The following ASH1L variants were observed in gnomAD, a reference collection of about 807,000 sequenced individuals.
ASH1L encodes ASH1 like histone lysine methyltransferase.
Under a neutral mutation model 269.0 loss-of-function variants are expected in ASH1L, and 23 were observed. The ratio of observed to expected loss-of-function variants is 0.09; its 90% CI spans 0.06 to 0.12. The LOEUF (loss-of-function observed/expected upper bound fraction) is 0.12. Ranked by LOEUF, ASH1L falls within the 10% of genes least tolerant of loss-of-function variation. The pLI is 1.00. For missense variants in ASH1L, 2,912 were observed against 3,567.8 expected, an observed-to-expected ratio of 0.82 and a Z score of 4.68; for synonymous variants, 1,187 against 1,253.5, an observed-to-expected ratio of 0.95 and a Z score of 1.12.
chr1:155,473,220 A>C lies in ASH1L; in HGVS notation c.4984+4666T>G, dbSNP rs184678604. 1.9e-3 allele frequency among the ~76,000 whole-genome samples: 293 copies of C among 152,334 alleles called. 1 individual carries two copies. The highest frequency in any genetic ancestry group is 6.5e-3 in the African/African-American group (270 of 41,590). ...CATAAGCAATGTAGTTCTGTTCAAA[A>C]TGTACATTCATCCACATTCTTCCTC... On this transcript the variant is annotated intron_variant, in intron 3 of 27. Transcript: ENST00000392403.
Position 155,337,632 on chromosome 1 carries a change from G to A in ASH1L, c.*28C>T, listed in dbSNP as rs1159031960. 6.3e-7 allele frequency: 1 copy of A among 1,593,512 alleles called. No individual in the cohort carries two copies. Among genetic ancestry groups the A allele is most frequent in the Non-Finnish European group, 8.6e-7 (1 of 1,161,726 alleles). ...GACTGATTAGCTCCACTGGATCCCA[G>A]ATGCTTGAGGTTCTCATTCTTTGAG... On this transcript the variant is annotated 3_prime_UTR_variant, in exon 28 of 28. Coordinates refer to ENST00000392403, the MANE Select transcript of ASH1L (RefSeq NM_018489.3).
Position 155,415,789 on chromosome 1 carries a change from T to G in ASH1L, c.5963A>C (p.Lys1988Thr). ...AGAATACAGCCCTGCTTTCTGATACTTCTTCTTTGGGGGACGTGGGGGCTT... is the reference window on the plus strand; with the variant it reads ...AGAATACAGCCCTGCTTTCTGATACGTCTTCTTTGGGGGACGTGGGGGCTT... ...EKKPPRPPKK[K>T]YQKAGLYSDV... Residue 1988 changes from lysine (K) to threonine (T), a missense_variant, in exon 6 of 28, where the codon AAG becomes ACG. Around this residue, in one of 13 missense-constraint regions of ASH1L, gnomAD observed 193 missense variants for 311.6 expected, o/e 0.62. Coordinates refer to ENST00000392403, the MANE Select transcript of ASH1L (RefSeq NM_018489.3). 3 of 1,614,082 alleles carry G rather than the reference T, an allele frequency of 1.9e-6. No individual in the cohort carries two copies. The highest frequency in any genetic ancestry group is 2.5e-6 in the Non-Finnish European group (3 of 1,180,012).
rs750598806 is a variant in ASH1L at position 155,433,860 on chromosome 1, T to C, written c.5828+4467A>G. The C allele has an allele frequency of 3.1e-6, 5 of 1,605,516 alleles. No individual in the cohort carries two copies. In the South Asian group the frequency reaches 4.5e-5, roughly 14 times the overall value. On this transcript the variant is annotated intron_variant, in intron 5 of 27. Transcript: ENST00000392403. ...GAGACATGCAAAGCAGAAACCCTCT[T>C]GCAGGCTCGAAAGAGAAAGCGAACC... is the stretch of plus-strand genomic sequence containing the variant.
intron 4 of ASH1L, among the ~76,000 whole-genome samples, chr1:155,459,193 C>T (rs529519119): frequency 3.6e-4 from 55 of 151,786 alleles, no homozygotes; most frequent in Non-Finnish European, 6.0e-4. Context: ...TACTAGTTTA[C>T]TAAACAATTT....
chr1:155,396,585 A>G (rs1045608347), intron 6 of ASH1L, among the ~76,000 whole-genome samples: 1 of 151,958 alleles, frequency 6.6e-6, no homozygotes, highest in African/African-American at 2.4e-5. Flanking sequence ...TGCTGGGATT[A>G]CAGGCGTGAG....
At chr1:155,426,128 G>T (rs1203648925) in intron 5 of ASH1L, among the ~76,000 whole-genome samples, 1 of 151,876 alleles carries the variant, frequency 6.6e-6, no homozygotes, top group South Asian at 2.1e-4. Context: ...GCAATGGCAC[G>T]ATCTTGGCTC....
chr1:155,498,375 C>G (rs1190975922), intron 2 of ASH1L, among the ~76,000 whole-genome samples: 1 of 152,022 alleles, frequency 6.6e-6, no homozygotes, highest in East Asian at 1.9e-4. Flanking sequence ...GAAGACGGGA[C>G]TACAGGCACA....
chr1:155,465,032 T>C (rs1015522447), intron 3 of ASH1L, among the ~76,000 whole-genome samples: 23 of 152,222 alleles, frequency 1.5e-4, no homozygotes, highest in African/African-American at 4.3e-4. Context: ...AAAATCTTGA[T>C]TGACATTTCC....
chr1:155,510,934 A>G (rs924175154), intron 2 of ASH1L, among the ~76,000 whole-genome samples: 2 of 152,186 alleles, frequency 1.3e-5, no homozygotes, highest in African/African-American at 4.8e-5. Flanking sequence ...TATTACCCAG[A>G]AAAATGACAC....
At chr1:155,563,028 G>C, upstream of ASH1L, 1 of 458,610 alleles carries the variant, frequency 2.2e-6, no homozygotes, top group Middle Eastern at 3.3e-4. Context: ...CTTGCCGTTT[G>C]ACTGGAATTG....
Position 155,531,365 on chromosome 1 carries a change from C to CT in ASH1L, c.-99-9748dup, listed in dbSNP as rs34974040. Among the ~76,000 whole-genome samples, 414 of 146,208 alleles carry CT rather than the reference C, an allele frequency of 2.8e-3. 1 individual carries two copies. The highest frequency in any genetic ancestry group is 4.3e-3 in the Non-Finnish European group (285 of 65,964). On this transcript the variant is annotated intron_variant, in intron 1 of 27. Transcript: ENST00000392403. ...AATTTCAGCATTTTTCCAAAGAATTCTTTTTTTTTTTGAAACAGAGTCTCC... is the reference window on the plus strand; with the variant it reads ...AATTTCAGCATTTTTCCAAAGAATTCTTTTTTTTTTTTGAAACAGAGTCTCC...
Position 155,336,360 on chromosome 1 carries a change from T to TACGC in ASH1L, c.*1299_*1300insGCGT, listed in dbSNP as rs1652312401. 1 of 149,746 alleles carries TACGC rather than the reference T, an allele frequency of 6.7e-6. No homozygotes were observed. The highest frequency in any genetic ancestry group is 2.5e-5 in the African/African-American group (1 of 40,530). 9.3% of individuals were successfully genotyped at this position (149,746 alleles called of 1,614,324 possible). On this transcript the variant is annotated 3_prime_UTR_variant, in exon 28 of 28. Coordinates refer to ENST00000392403, the MANE Select transcript of ASH1L (RefSeq NM_018489.3). ...GTGTGTGTGTGTGTGTGTATATATA[T>TACGC]ACACACACACATATATATATACACA...
chr1:155,412,164 C>T (rs1659862443), intron 6 of ASH1L, among the ~76,000 whole-genome samples: 1 of 151,836 alleles, frequency 6.6e-6, no homozygotes, highest in Non-Finnish European at 1.5e-5. Flanking sequence ...ACTGCTTGAA[C>T]CCAGGAGGTG....
chr1:155,357,078 TACACACAC>T (rs61213200), intron 15 of ASH1L, among the ~76,000 whole-genome samples: 1,938 of 53,062 alleles, frequency 0.037, 100 homozygotes, highest in African/African-American at 0.11. Flanking sequence ...ATCCCAGCTC[TACACACAC>T]ACACACACAC....
Position 155,380,116 on chromosome 1 carries a change from C to G in ASH1L, c.6104G>C (p.Gly2035Ala). 1.2e-6 allele frequency: 2 copies of G among 1,609,454 alleles called. No individual in the cohort carries two copies. Among genetic ancestry groups the G allele is most frequent in the Non-Finnish European group, 1.7e-6 (2 of 1,176,602 alleles). Residue 2035 changes from glycine to alanine, a missense_variant and splice_region_variant, in exon 8 of 28, where the codon GGA becomes GCA. Physicochemically the swap from Gly to Ala is moderately conservative, Grantham distance 60. This residue lies in a region of ASH1L where 193 missense variants were observed against 311.6 expected (regional missense o/e 0.62). Transcript: ENST00000392403. ...YGLFPAPIHV[G>A]KYLRQKRIDF... ...AATTCTCTTTTGTCTTAGATACTTT[C>G]CTGAAACAAAAAACACTATTAATTT...
chr1:155,386,573 TA>T (rs1657449368), intron 7 of ASH1L, among the ~76,000 whole-genome samples: 1 of 147,652 alleles, frequency 6.8e-6, no homozygotes, highest in Non-Finnish European at 1.5e-5. Context: ...TTTTTTTTTT[TA>T]GTAGAGACGG....
Position 155,479,923 on chromosome 1 carries a change from T to G in ASH1L, c.2947A>C (p.Ile983Leu), listed in dbSNP as rs1292452383. ...RNNGQLMKTI[I>L]RKINKMKTLK... ...GTCTTCATTTTATTTATTTTGCGGA[T>G]AATTGTTTTCATTAATTGTCCATTG... The change falls in exon 3 of 28, where the codon ATC (isoleucine) becomes CTC (leucine). Residue 983 changes from isoleucine (I) to leucine (L), a missense_variant. Physicochemically the swap from Ile to Leu is conservative, Grantham distance 5. Coordinates refer to ENST00000392403, the MANE Select transcript of ASH1L (RefSeq NM_018489.3). 6 of 1,613,476 alleles carry G rather than the reference T, an allele frequency of 3.7e-6. No homozygotes were observed. The highest frequency in any genetic ancestry group is 5.1e-6 in the Non-Finnish European group (6 of 1,179,806).
chr1:155,439,074 A>G lies in ASH1L; in HGVS notation c.5087-6T>C. The G allele has an allele frequency of 6.3e-7, 1 of 1,591,298 alleles. No homozygotes were observed. Among genetic ancestry groups the G allele is most frequent in the South Asian group, 1.1e-5 (1 of 87,496 alleles). On this transcript the variant is annotated splice_polypyrimidine_tract_variant and splice_region_variant and intron_variant, in intron 4 of 27. Coordinates refer to ENST00000392403, the MANE Select transcript of ASH1L (RefSeq NM_018489.3). ...TCGAGAGGGAACTCCGTTTACTGAAAGAGACAATAAATCACACATAGACAA... is the reference window on the plus strand; with the variant it reads ...TCGAGAGGGAACTCCGTTTACTGAAGGAGACAATAAATCACACATAGACAA...
At chr1:155,420,043 C>T (rs1346492839) in intron 5 of ASH1L, among the ~76,000 whole-genome samples, 1 of 152,110 alleles carries the variant, frequency 6.6e-6, no homozygotes, top group African/African-American at 2.4e-5. Flanking sequence ...AGTAGCCAGG[C>T]AGGGTGACTC....
Sources: gnomAD v4.1 joint callset for allele counts (sites outside exome capture counted in the v4.1 genomes callset) on GRCh38, gnomAD v4.1.1 for gene constraint, gnomAD v4.1.1 regional missense constraint, MANE v1.5 for transcripts, NCBI Gene and HGNC (gene_info 2026-07-23, HGNC 2026-07-21) for gene names.